Variants in SSH1 observed in about 807,000 individuals in gnomAD.
The protein encoded by SSH1 is protein phosphatase Slingshot homolog 1.
In SSH1, 43 loss-of-function variants were observed where a neutral mutation model predicts 79.7. The observed-to-expected ratio is 0.54, with a 90% CI of 0.42 to 0.70. SSH1 has a LOEUF of 0.70. Among genes scored for constraint, SSH1 ranks in the 30% least tolerant of loss-of-function variants. The probability of loss-of-function intolerance (pLI) is 0.00; values close to 1 mark genes in which losing one functional copy is unlikely to be tolerated. For missense variants in SSH1, 1,206 were observed against 1,358.8 expected (o/e 0.89, Z 1.77); for synonymous variants, 599 against 538.3 (o/e 1.11, Z -1.56).
At chr12:108,798,836 T>A (rs1309921633) in intron 13 of SSH1, among the ~76,000 whole-genome samples, 164 bp downstream of exon 13, 1 of 152,226 alleles carries the variant, frequency 6.6e-6, no homozygotes, top group East Asian at 1.9e-4. Context: ...AAACAATAGT[T>A]GTTTTTCTCA....
chr12:108,792,728 G>A lies in SSH1; in HGVS notation c.1451C>T (p.Pro484Leu). The A allele has an allele frequency of 6.2e-7, 1 of 1,613,792 alleles. No homozygotes were observed. The highest frequency in any genetic ancestry group is 8.5e-7 in the Non-Finnish European group (1 of 1,180,036). ...CAGCTGGCTTTCCGGGGTGCCATCT[G>A]GGGTCTCTGGCAAGAAGTCGCCAGG... ...AGPGDFLPETPDGTPESQLPF... is the reference protein window; with the variant it reads ...AGPGDFLPETLDGTPESQLPF... The change falls in exon 14 of 15, where the codon CCA becomes CTA. Residue 484 changes from proline (P) to leucine (L), a missense_variant. Transcript: ENST00000326495.
chr12:108,802,249 C>A (rs2037046577), intron 11 of SSH1, 73 bp downstream of exon 11: 1 of 1,411,050 alleles, frequency 7.1e-7, no homozygotes, highest in African/African-American at 1.4e-5. Flanking sequence ...CCCAAGGTCT[C>A]CCCCTCCATG....
chr12:108,829,423 C>T (rs1157007853), intron 2 of SSH1, among the ~76,000 whole-genome samples: 1 of 151,252 alleles, frequency 6.6e-6, no homozygotes, highest in Non-Finnish European at 1.5e-5. Flanking sequence ...TCTGATTAAC[C>T]CCTAGAATTA....
chr12:108,838,900 T>A (rs1190037646), intron 2 of SSH1, among the ~76,000 whole-genome samples: 2 of 152,262 alleles, frequency 1.3e-5, no homozygotes, highest in East Asian at 3.8e-4. Flanking sequence ...ACCATACCAA[T>A]GCTATGTCAT....
chr12:108,792,161 T>A lies in SSH1; in HGVS notation c.1893+125A>T, dbSNP rs563736919. 2.0e-4 allele frequency: 311 copies of A among 1,540,118 alleles called. No homozygotes were observed. The African/African-American group carries it at 3.9e-3, about 19-fold the overall frequency. On this transcript the variant is annotated intron_variant, in intron 14 of 14. Transcript: ENST00000326495. ...GGAGCTGGGGGCCCAGAGGAGACAA[T>A]AGAAAAAAATCAGCTGGGTGTGGTG...
chr12:108,854,470 T>C (rs984652203), intron 1 of SSH1, among the ~76,000 whole-genome samples: 2 of 152,142 alleles, frequency 1.3e-5, no homozygotes, highest in Non-Finnish European at 2.9e-5. Context: ...GAAAATGACA[T>C]AAGTGACATA....
chr12:108,798,487 T>C (rs1358512148), intron 13 of SSH1, among the ~76,000 whole-genome samples: 1 of 152,214 alleles, frequency 6.6e-6, no homozygotes, highest in Non-Finnish European at 1.5e-5. Context: ...TACAAGTGCA[T>C]GTCCCAGGCC....
In SSH1 at chr12:108,788,570, G is replaced by T. The variant is rs146128442; in HGVS notation, c.2568C>A (p.Pro856=). ...GCGCGGCTGGATCCTGGCTCTCCTC[G>T]GGGATGCTGGCCTCCAGCCTGCTGG... ...GPASRLEASI[P]EESQDPAALH... is the part of the protein sequence containing the mutation. The change falls in exon 15 of 15, where the codon CCC becomes CCA. Residue 856 remains proline (P), a synonymous_variant. Transcript: ENST00000326495. 1.8e-5 allele frequency: 29 copies of T among 1,597,982 alleles called. No individual in the cohort carries two copies. The highest frequency in any genetic ancestry group is 2.0e-5 in the Non-Finnish European group (23 of 1,170,220).
At chr12:108,798,968 C>G (rs1485129135) in intron 13 of SSH1, 32 bp downstream of exon 13, 2 of 1,607,334 alleles carry the variant, frequency 1.2e-6, no homozygotes, top group Non-Finnish European at 1.7e-6. Flanking sequence ...CCAGCTCCGC[C>G]TGCCAACCCT....
At chr12:108,794,604 A>G (rs2036663027) in intron 13 of SSH1, among the ~76,000 whole-genome samples, 3 of 152,244 alleles carry the variant, frequency 2.0e-5, no homozygotes, top group Non-Finnish European at 1.5e-5. Context: ...CTTGTTTAGC[A>G]CTGCAAAAGG....
intron 5 of SSH1, among the ~76,000 whole-genome samples, 196 bp downstream of exon 5, chr12:108,816,842 G>A (rs1437250950): frequency 2.6e-5 from 4 of 152,106 alleles, no homozygotes; most frequent in African/African-American, 9.7e-5. Flanking sequence ...TGAGAGCACA[G>A]CCTGGAGCTG....
chr12:108,791,241 C>T (rs1377560423), intron 14 of SSH1, among the ~76,000 whole-genome samples: 2 of 152,156 alleles, frequency 1.3e-5, no homozygotes, highest in South Asian at 2.1e-4. Context: ...TCCTGAGTAG[C>T]TGGGATTACA....
chr12:108,847,950 C>T (rs1036224614), intron 2 of SSH1, among the ~76,000 whole-genome samples: 4 of 152,124 alleles, frequency 2.6e-5, no homozygotes, highest in Admixed American at 1.3e-4. Context: ...CTGGGGCAGG[C>T]GCACTTTTAG....
Position 108,799,207 on chromosome 12 carries a change from G to A in SSH1, c.1149-7C>T, listed in dbSNP as rs1012108497. ...GCACTTGGAATGGTTCCTCCTGCAG[G>A]GGTGGGAGCAGTTGGGGAGGAGAGA... On this transcript the variant is annotated splice_region_variant and splice_polypyrimidine_tract_variant and intron_variant, in intron 12 of 14. Coordinates refer to ENST00000326495, the MANE Select transcript of SSH1 (RefSeq NM_018984.4). 5.0e-6 allele frequency: 8 copies of A among 1,608,990 alleles called. No individual in the cohort carries two copies. Among genetic ancestry groups the A allele is most frequent in the Non-Finnish European group, 5.9e-6 (7 of 1,176,776 alleles).
rs763339320 is a variant in SSH1, at chr12:108,826,081, A to T, written c.111-2720T>A. ...ATCAACTGCTTTTGTTCATGAGATT[A>T]AAAAAAAAAAATTCATACTGACCAG... On this transcript the variant is annotated intron_variant, in intron 2 of 14. Transcript: ENST00000326495. 6.8e-5 allele frequency: 13 copies of T among 189,962 alleles called. No homozygotes were observed. The East Asian group carries it at 1.4e-3, about 20-fold the overall frequency. The allele number at this position is 189,962 out of a possible 1,614,324, so 11.8% of individuals were successfully genotyped here. A position where few individuals can be genotyped will look rare whatever the true frequency, so the allele number is the denominator to read the frequency against.
At chr12:108,856,409 A>C (rs1167044529) in intron 1 of SSH1, among the ~76,000 whole-genome samples, 1 of 152,208 alleles carries the variant, frequency 6.6e-6, no homozygotes, top group Non-Finnish European at 1.5e-5. Flanking sequence ...TGGGCCACAC[A>C]CAGACCCACA....
At chr12:108,801,735 T>TA (rs1565980475) in intron 11 of SSH1, among the ~76,000 whole-genome samples, 21 of 137,186 alleles carry the variant, frequency 1.5e-4, no homozygotes, top group African/African-American at 5.0e-4. Context: ...CTGTGTTGTT[T>TA]TAAAAAAAAA....
intron 13 of SSH1, among the ~76,000 whole-genome samples, chr12:108,794,948 T>C (rs1224529466): frequency 6.6e-6 from 1 of 152,208 alleles, no homozygotes; most frequent in Non-Finnish European, 1.5e-5. Flanking sequence ...TTGTTTCCTC[T>C]GCTCTATTGT....
Position 108,807,685 on chromosome 12 carries a change from T to C in SSH1, c.679A>G (p.Met227Val). 1 of 1,613,344 alleles carries C rather than the reference T, an allele frequency of 6.2e-7. No homozygotes were observed. The highest frequency in any genetic ancestry group is 8.5e-7 in the Non-Finnish European group (1 of 1,179,554). ...EQSCINEWNA[M>V]QDLESTRPDS... ...GGCCGCGTAGACTCCAGGTCCTGCA[T>C]GGCGTTCCACTCGTTGATGCAGCTC... The change falls in exon 8 of 15, where the codon ATG (methionine) becomes GTG (valine). Residue 227 changes from methionine to valine, a missense_variant. By Grantham distance (21) the Met-to-Val change is conservative (BLOSUM62 1). This residue lies in a region of SSH1 where 116 missense variants were observed against 109.0 expected (regional missense o/e 1.06). Coordinates refer to ENST00000326495, the MANE Select transcript of SSH1 (RefSeq NM_018984.4). This position sits in a 1 kb window ranked among gnomAD's most constrained non-coding sequence, Gnocchi z 5.2.
Sources: gnomAD v4.1 joint callset for allele counts (sites outside exome capture counted in the v4.1 genomes callset) on GRCh38, gnomAD v4.1.1 for gene constraint, gnomAD v4.1.1 regional missense constraint, Gnocchi (gnomAD v3.1) non-coding constraint, MANE v1.5 for transcripts, NCBI Gene and HGNC (gene_info 2026-07-23, HGNC 2026-07-21) for gene names.